The following PTPN3 variants were observed in gnomAD, a reference collection of about 807,000 sequenced individuals.
PTPN3 encodes the protein protein tyrosine phosphatase non-receptor type 3, also known as tyrosine-protein phosphatase non-receptor type 3.
In PTPN3, 96 loss-of-function variants were observed where a neutral mutation model predicts 132.7. The observed-to-expected ratio is 0.72, with a 90% CI of 0.61 to 0.86. The LOEUF (loss-of-function observed/expected upper bound fraction) is 0.86. Among genes scored for constraint, PTPN3 ranks in the 40% least tolerant of loss-of-function variants. PTPN3 has a pLI of 0.00. For missense variants in PTPN3, 1,125 were observed against 1,159.6 expected, an observed-to-expected ratio of 0.97 and a Z score of 0.43; for synonymous variants, 398 against 429.0, an observed-to-expected ratio of 0.93 and a Z score of 0.89.
chr9:109,505,518 A>G, the PTPN3 span, among the ~76,000 whole-genome samples: 9 of 152,276 alleles, frequency 5.9e-5, no homozygotes, highest in East Asian at 7.7e-4. Context: ...GGCTCAAACA[A>G]TCCTACTGCC....
At chr9:109,452,266 C>CAAAAAA (rs1158259516) in intron 5 of PTPN3, among the ~76,000 whole-genome samples, 15 of 71,634 alleles carry the variant, frequency 2.1e-4, no homozygotes, top group East Asian at 8.0e-4. Context: ...AGCTCCGTCT[C>CAAAAAA]AAAAAAAAAA....
intron 9 of PTPN3, among the ~76,000 whole-genome samples, chr9:109,433,706 G>C (rs563407218): frequency 1.1e-3 from 175 of 152,192 alleles, no homozygotes; most frequent in Non-Finnish European, 2.0e-3. Flanking sequence ...AGGAGTTTGA[G>C]GCCAACCTGG....
At position 109,475,987 on chromosome 9, in the gene PTPN3, T is replaced by G. The variant is rs369894566; in HGVS notation, c.-17-12536A>C. ...CACTTACCCCCACGAAGCATCATCT[T>G]ATTTGTCTCTGATCAGCCAGGTGAC... On this transcript the variant is annotated intron_variant, in intron 1 of 25. Coordinates refer to ENST00000374541, the MANE Select transcript of PTPN3 (RefSeq NM_002829.4). Among the ~76,000 whole-genome samples the G allele has an allele frequency of 2.0e-4, 31 of 152,290 alleles. No homozygotes were observed. In the East Asian group the frequency reaches 2.1e-3, roughly 10 times the overall value.
intron 1 of PTPN3, among the ~76,000 whole-genome samples, chr9:109,469,822 C>T (rs1012572446): frequency 6.6e-5 from 10 of 152,204 alleles, no homozygotes; most frequent in Non-Finnish European, 8.8e-5. Flanking sequence ...TCAAGCTGGC[C>T]TAGCCCAATG....
intron 19 of PTPN3, among the ~76,000 whole-genome samples, chr9:109,397,034 T>G (rs1840663703): frequency 6.7e-6 from 1 of 150,328 alleles, no homozygotes. Flanking sequence ...TCCTGAAGGC[T>G]GAGAACCCAA....
chr9:109,534,159 C>A, the PTPN3 span: 1 of 854,964 alleles, frequency 1.2e-6, no homozygotes, highest in Non-Finnish European at 2.0e-6. Flanking sequence ...CCAAAACCTT[C>A]GTTGCGATGA....
intron 14 of PTPN3, chr9:109,417,886 G>A (rs982454778): frequency 2.8e-6 from 2 of 727,090 alleles, no homozygotes; most frequent in African/African-American, 1.9e-5. Context: ...CACTTTACAA[G>A]GTCTCAAGGA....
intron 5 of PTPN3, among the ~76,000 whole-genome samples, chr9:109,453,269 A>C (rs1191995796): frequency 6.6e-6 from 1 of 152,042 alleles, no homozygotes; most frequent in African/African-American, 2.4e-5. Flanking sequence ...ACAAGGCAAC[A>C]CTCTGTGTCT....
chr9:109,448,004 A>T (rs1420676839), intron 6 of PTPN3, among the ~76,000 whole-genome samples: 1 of 152,062 alleles, frequency 6.6e-6, no homozygotes, highest in African/African-American at 2.4e-5. Flanking sequence ...ACCCAACCCA[A>T]TTCTGGCTCA....
chr9:109,410,821 G>A (rs1842018935), intron 14 of PTPN3, among the ~76,000 whole-genome samples: 1 of 152,142 alleles, frequency 6.6e-6, no homozygotes, highest in Admixed American at 6.6e-5. Flanking sequence ...TCACTTCTGC[G>A]GATGGTTCTG....
At chr9:109,482,435 T>C (rs887438559) in intron 1 of PTPN3, among the ~76,000 whole-genome samples, 4 of 152,144 alleles carry the variant, frequency 2.6e-5, no homozygotes, top group African/African-American at 9.7e-5. Flanking sequence ...CAAAGGAATC[T>C]GAAAGACAAA....
intron 1 of PTPN3, among the ~76,000 whole-genome samples, chr9:109,467,459 A>T (rs1397028342): frequency 6.6e-6 from 1 of 152,202 alleles, no homozygotes; most frequent in East Asian, 1.9e-4. Flanking sequence ...GAAGACGAGG[A>T]CTAAAGGAGT....
chr9:109,462,737 C>T (rs974067742), intron 2 of PTPN3, among the ~76,000 whole-genome samples: 4 of 152,022 alleles, frequency 2.6e-5, no homozygotes, highest in Non-Finnish European at 4.4e-5. Flanking sequence ...CCAGAACCTC[C>T]CCAAGCCCTG....
intron 2 of PTPN3, among the ~76,000 whole-genome samples, chr9:109,460,107 T>C (rs1393604187): frequency 6.6e-6 from 1 of 152,154 alleles, no homozygotes; most frequent in African/African-American, 2.4e-5. Flanking sequence ...ACAGCAGAAC[T>C]GATTACTTCT....
At chr9:109,390,402 G>A (rs921663808) in intron 21 of PTPN3, among the ~76,000 whole-genome samples, 2 of 152,136 alleles carry the variant, frequency 1.3e-5, no homozygotes, top group African/African-American at 2.4e-5. Flanking sequence ...CTTTTTAAGT[G>A]GTTACATTTC....
Position 109,377,394 on chromosome 9 carries a change from CTA to C in PTPN3, c.*2160_*2161del, listed in dbSNP as rs1564361391. On this transcript the variant is annotated 3_prime_UTR_variant, in exon 26 of 26. Coordinates refer to ENST00000374541, the MANE Select transcript of PTPN3 (RefSeq NM_002829.4). ...TAGGCAACACATCAAGATCCTGTCT[CTA>C]CACACACACACACACACACACACAC... 12 of 115,682 alleles carry C rather than the reference CTA, an allele frequency of 1.0e-4. No individual in the cohort carries two copies. The highest frequency in any genetic ancestry group is 4.0e-4 in the African/African-American group (12 of 29,780). The allele number at this position is 115,682 out of a possible 1,614,324, so 7.2% of individuals were successfully genotyped here.
At chr9:109,450,411 T>C (rs1343458010) in intron 5 of PTPN3, 1 of 984,606 alleles carries the variant, frequency 1.0e-6, no homozygotes, top group African/African-American at 1.7e-5. Context: ...GATAATCCAA[T>C]GGTGAACCCG....
intron 1 of PTPN3, among the ~76,000 whole-genome samples, chr9:109,476,809 T>C (rs543628991): frequency 6.6e-6 from 1 of 152,350 alleles, no homozygotes; most frequent in South Asian, 2.1e-4. Flanking sequence ...CCACAGCCAC[T>C]CAACACCAGC....
In PTPN3 at chr9:109,415,072, A is replaced by G. The variant is rs200535119; in HGVS notation, c.1314-4657T>C. 5.9e-4 allele frequency among the ~76,000 whole-genome samples: 52 copies of G among 88,384 alleles called. 1 individual carries two copies. The highest frequency in any genetic ancestry group is 1.0e-3 in the South Asian group (2 of 1,974). 58.0% of individuals were successfully genotyped at this position (88,384 alleles called of 152,430 possible). A position where few individuals can be genotyped will look rare whatever the true frequency, so the allele number is the denominator to read the frequency against. ...CGTCCATCCGTCCATCCGTCCGTCC[A>G]TCCAACCATCCATCCATCCATCCAT... On this transcript the variant is annotated intron_variant, in intron 14 of 25. Transcript: ENST00000374541.
Sources: allele counts gnomAD v4.1 joint callset (sites outside exome capture counted in the v4.1 genomes callset), GRCh38; gene constraint gnomAD v4.1.1; transcripts MANE v1.5; gene names NCBI Gene and HGNC (gene_info 2026-07-23, HGNC 2026-07-21).